The following IL1RAPL1 variants were observed in gnomAD, a reference collection of about 807,000 sequenced individuals.
IL1RAPL1 encodes interleukin-1 receptor accessory protein-like 1.
In IL1RAPL1, 3 loss-of-function variants were observed where a neutral mutation model predicts 48.4. The ratio of observed to expected loss-of-function variants is 0.06; its 90% CI spans 0.03 to 0.16. IL1RAPL1 has a LOEUF of 0.16. Among genes scored for constraint, IL1RAPL1 ranks in the 10% least tolerant of loss-of-function variants. The probability of loss-of-function intolerance (pLI) is 1.00; values close to 1 mark genes in which losing one functional copy is unlikely to be tolerated. For missense variants in IL1RAPL1, 349 were observed against 530.6 expected, an observed-to-expected ratio of 0.66 and a Z score of 3.36; for synonymous variants, 185 against 187.7, an observed-to-expected ratio of 0.99 and a Z score of 0.12.
chrX:28,774,804 C>G (rs1936345459), intron 1 of IL1RAPL1, among the ~76,000 whole-genome samples: 1 of 111,620 alleles, frequency 9.0e-6, no homozygotes, highest in Admixed American at 9.5e-5. Flanking sequence ...AACAAAACGA[C>G]TTCCTGACTT....
At chrX:29,015,581 T>C in intron 2 of IL1RAPL1, among the ~76,000 whole-genome samples, 1 of 111,245 alleles carries the variant, frequency 9.0e-6, no homozygotes, top group Non-Finnish European at 1.9e-5. Flanking sequence ...CCAAAAACCT[T>C]AGTGTCTATT....
At chrX:29,398,320 T>TA (rs1933945278) in intron 4 of IL1RAPL1, among the ~76,000 whole-genome samples, 2 of 112,227 alleles carry the variant, frequency 1.8e-5, no homozygotes, top group Admixed American at 9.5e-5. Flanking sequence ...GATTTGGCAA[T>TA]ACAATTTTTT....
intron 2 of IL1RAPL1, among the ~76,000 whole-genome samples, chrX:29,230,504 C>CAAAGAAAAAAAAA (rs1931170482): frequency 6.0e-5 from 1 of 16,589 alleles, no homozygotes; most frequent in Non-Finnish European, 9.4e-5. Flanking sequence ...GTCCCTTTAC[C>CAAAGAAAAAAAAA]AAAAAAAAAA....
intron 2 of IL1RAPL1, among the ~76,000 whole-genome samples, chrX:28,869,729 C>T (rs1306815224): frequency 8.9e-6 from 1 of 111,970 alleles, no homozygotes; most frequent in Non-Finnish European, 1.9e-5. Context: ...ACATACCATA[C>T]AATTCACCCT....
At position 29,480,287 on chromosome X, in the gene IL1RAPL1, T is replaced by TATAC. The variant is rs1188267626; in HGVS notation, c.703+80983_703+80986dup. Among the ~76,000 whole-genome samples the TATAC allele has an allele frequency of 5.4e-3, 374 of 69,741 alleles. 5 individuals carry two copies. The highest frequency in any genetic ancestry group is 0.022 in the African/African-American group (356 of 16,501). The allele number at this position is 69,741 out of a possible 115,157, so 60.6% of individuals were successfully genotyped here. A position where few individuals can be genotyped will look rare whatever the true frequency, so the allele number is the denominator to read the frequency against. On this transcript the variant is annotated intron_variant, in intron 5 of 10. Transcript: ENST00000378993. ...AGCATGATATATGTATACACACACA[T>TATAC]ATACATATATATATATATATATATA...
At chrX:29,110,464 T>A (rs1211371267) in intron 2 of IL1RAPL1, among the ~76,000 whole-genome samples, 2 of 111,928 alleles carry the variant, frequency 1.8e-5, no homozygotes, top group Non-Finnish European at 3.8e-5. Flanking sequence ...CCGGTTTTTA[T>A]GCAGCAGGTC....
intron 3 of IL1RAPL1, among the ~76,000 whole-genome samples, chrX:29,330,553 G>C (rs1038707355): frequency 1.2e-4 from 12 of 102,604 alleles, no homozygotes; most frequent in African/African-American, 2.0e-4. Context: ...GTGTTTTCTA[G>C]GCCTAATGGC....
At chrX:28,792,386 G>T (rs1936548057) in intron 2 of IL1RAPL1, among the ~76,000 whole-genome samples, 1 of 110,951 alleles carries the variant, frequency 9.0e-6, no homozygotes, top group South Asian at 3.8e-4. Flanking sequence ...CTCATTAACA[G>T]AACTAATTTG....
chrX:29,740,124 A>C (rs1928162762), intron 6 of IL1RAPL1, among the ~76,000 whole-genome samples: 1 of 81,373 alleles, frequency 1.2e-5, no homozygotes, highest in African/African-American at 5.2e-5. Flanking sequence ...AAAAAACAGA[A>C]AAAAAAAAAA....
chrX:29,812,644 A>G (rs960613147), intron 6 of IL1RAPL1, among the ~76,000 whole-genome samples: 1 of 111,623 alleles, frequency 9.0e-6, no homozygotes, highest in African/African-American at 3.3e-5. Context: ...CTCTAAATTA[A>G]TATAACGACA....
chrX:29,025,282 C>T (rs1244975971), intron 2 of IL1RAPL1, among the ~76,000 whole-genome samples: 7 of 111,772 alleles, frequency 6.3e-5, no homozygotes, highest in African/African-American at 9.8e-5. Flanking sequence ...CAAGTGTGGA[C>T]GTATGTTATC....
intron 5 of IL1RAPL1, among the ~76,000 whole-genome samples, chrX:29,487,063 T>C (rs1935105244): frequency 9.1e-6 from 1 of 109,381 alleles, no homozygotes; most frequent in Admixed American, 9.7e-5. Context: ...GGCTAAAACA[T>C]ACACAATAAT....
At chrX:29,562,115 AATCTATCTATCTATCTATCTATCTATCT>A (rs560107095) in intron 5 of IL1RAPL1, among the ~76,000 whole-genome samples, 7 of 59,993 alleles carry the variant, frequency 1.2e-4, no homozygotes, top group East Asian at 1.0e-3. Flanking sequence ...CTATCTATCT[AATCTATCTATCTATCTATCTATCTATCT>A]ATCTATCTAT....
chrX:29,842,255 T>C (rs1426568058), intron 6 of IL1RAPL1, among the ~76,000 whole-genome samples: 4 of 112,278 alleles, frequency 3.6e-5, no homozygotes, highest in Non-Finnish European at 7.5e-5. Context: ...TGGGCCTCCA[T>C]TTTAGGATTC....
At chrX:28,598,382 T>C (rs772181605) in intron 1 of IL1RAPL1, among the ~76,000 whole-genome samples, 6 of 111,674 alleles carry the variant, frequency 5.4e-5, no homozygotes, top group Non-Finnish European at 1.1e-4. Context: ...GTAGGTATAG[T>C]TTTTTTTCCC....
intron 6 of IL1RAPL1, among the ~76,000 whole-genome samples, chrX:29,724,005 G>A (rs966324603): frequency 6.3e-5 from 7 of 110,315 alleles, no homozygotes; most frequent in African/African-American, 2.3e-4. Flanking sequence ...AGTAGAGATG[G>A]GGTTTCACCA....
chrX:29,537,225 A>G (rs768898084), intron 5 of IL1RAPL1, among the ~76,000 whole-genome samples: 73 of 111,033 alleles, frequency 6.6e-4, no homozygotes, highest in Middle Eastern at 4.6e-3. Context: ...GAAACACTGA[A>G]TATTTTCTTT....
chrX:29,001,085 T>A (rs1925840819), intron 2 of IL1RAPL1, among the ~76,000 whole-genome samples: 1 of 111,287 alleles, frequency 9.0e-6, no homozygotes, highest in Non-Finnish European at 1.9e-5. Flanking sequence ...ACATTTATCT[T>A]CATTTACCCT....
chrX:29,334,926 G>A (rs1217800760), intron 3 of IL1RAPL1, among the ~76,000 whole-genome samples: 1 of 112,840 alleles, frequency 8.9e-6, no homozygotes, highest in East Asian at 2.8e-4. Context: ...AATGCAGGCG[G>A]CTGGGAGGTG....
Sources: allele counts gnomAD v4.1 joint callset (sites outside exome capture counted in the v4.1 genomes callset), GRCh38; gene constraint gnomAD v4.1.1; transcripts MANE v1.5; gene names NCBI Gene and HGNC (gene_info 2026-07-23, HGNC 2026-07-21).